SLC25A23: variants seen among roughly 807,000 people sequenced by gnomAD.
The protein encoded by SLC25A23 is mitochondrial adenyl nucleotide antiporter SLC25A23.
In SLC25A23, 32 loss-of-function variants were observed where a neutral mutation model predicts 53.9. That is an observed-to-expected ratio of 0.59 (90% CI 0.45 to 0.80). SLC25A23 has a LOEUF of 0.80. Ranked by LOEUF, SLC25A23 falls within the 30% of genes least tolerant of loss-of-function variation. SLC25A23 has a pLI of 0.00. For missense variants in SLC25A23, 575 were observed against 651.4 expected (o/e 0.88, Z 1.28); for synonymous variants, 275 against 264.5 (o/e 1.04, Z -0.38).
At position 6,456,940 on chromosome 19, in the gene SLC25A23, AGT is replaced by A. The variant is rs557860534; in HGVS notation, c.372-411_372-410del. Among the ~76,000 whole-genome samples, 16 of 152,206 alleles carry A rather than the reference AGT, an allele frequency of 1.1e-4. No individual in the cohort carries two copies. The South Asian group carries it at 3.3e-3, about 32-fold the overall frequency. ...TGATCCACCTGCCTCGGCCTTCCAA[AGT>A]GGCAGGATTGCAGGCGTGAGCCACC... On this transcript the variant is annotated intron_variant, in intron 3 of 9. Coordinates refer to ENST00000301454, the MANE Select transcript of SLC25A23 (RefSeq NM_024103.3).
At chr19:6,449,062 A>T (rs927982242) in intron 8 of SLC25A23, among the ~76,000 whole-genome samples, 2 of 151,936 alleles carry the variant, frequency 1.3e-5, no homozygotes, top group Non-Finnish European at 2.9e-5. Flanking sequence ...GACTAGATTA[A>T]TGTGGCCAGC....
Position 6,442,151 on chromosome 19 carries a change from C to A in SLC25A23, c.1231G>T (p.Glu411Ter). 1 of 1,396,854 alleles carries A rather than the reference C, an allele frequency of 7.2e-7. No individual in the cohort carries two copies. 86.5% of individuals were successfully genotyped at this position (1,396,854 alleles called of 1,614,324 possible). Residue 411 changes from glutamate (E) to a stop codon, truncating the protein, a stop_gained, in exon 10 of 10, where the codon GAG (glutamate) becomes TAG (stop). Transcript: ENST00000301454. LOFTEE classifies it high-confidence loss of function. ...RTRMQAQASIEGGPQLSMLGL... is the reference protein window; with the variant it reads ...RTRMQAQASI Reference sequence around the variant, plus strand: ...AGCATGGACAGCTGGGGGCCACCCTCGATGGAGGCTGGGAGGGGGCGGGGG... The same window carrying A: ...AGCATGGACAGCTGGGGGCCACCCTAGATGGAGGCTGGGAGGGGGCGGGGG...
At position 6,442,165 on chromosome 19, in the gene SLC25A23, AGGGGGCGGG is replaced by A; in HGVS notation, c.1223-15_1223-7del. The A allele has an allele frequency of 1.7e-5, 11 of 642,350 alleles. No individual in the cohort carries two copies. Among genetic ancestry groups the A allele is most frequent in the Non-Finnish European group, 2.2e-5 (9 of 417,288 alleles). The allele number at this position is 642,350 out of a possible 1,614,324, so 39.8% of individuals were successfully genotyped here. On this transcript the variant is annotated splice_region_variant and splice_polypyrimidine_tract_variant and intron_variant, in intron 9 of 9. Transcript: ENST00000301454. The stretch of plus-strand genomic sequence containing the variant: ...GGGGCCACCCTCGATGGAGGCTGGG[AGGGGGCGGG>A]GGGGGCACCAGGTAAGGCCAACGTT...
At chr19:6,458,515 C>G (rs529458864) in intron 1 of SLC25A23, among the ~76,000 whole-genome samples, 191 bp from the exon 2 acceptor site, 4 of 152,116 alleles carry the variant, frequency 2.6e-5, no homozygotes, top group African/African-American at 4.8e-5. Flanking sequence ...CAGGTCTGTG[C>G]GGTGGGTGTG....
chr19:6,457,533 G>A lies in SLC25A23; in HGVS notation c.341C>T (p.Ser114Leu), dbSNP rs1306494013. Residue 114 changes from serine to leucine, a missense_variant, in exon 3 of 10, where the codon TCG becomes TTG. By Grantham distance (145) the Ser-to-Leu change is moderately radical. Transcript: ENST00000301454. The part of the protein sequence containing the change: ...QSFRALGISI[S>L]LEQAEKILHS... ...CAAAATTTTCTCAGCCTGCTCCAGC[G>A]AGATGGAAATGCCCAGAGCTCGGAA... is the stretch of plus-strand genomic sequence containing the variant. 1 of 1,614,048 alleles carries A rather than the reference G, an allele frequency of 6.2e-7. No homozygotes were observed. The highest frequency in any genetic ancestry group is 8.5e-7 in the Non-Finnish European group (1 of 1,180,008).
At chr19:6,437,407 C>T (rs1258938657), downstream of SLC25A23, among the ~76,000 whole-genome samples, 4 of 152,152 alleles carry the variant, frequency 2.6e-5, no homozygotes, top group African/African-American at 9.7e-5. Flanking sequence ...CAGTAACCTG[C>T]AAATGTGACC....
downstream of SLC25A23, among the ~76,000 whole-genome samples, chr19:6,439,776 G>A (rs991440623): frequency 2.0e-5 from 3 of 152,148 alleles, no homozygotes. Flanking sequence ...GTTGCAGTGA[G>A]CTGAGACCGT....
Position 6,454,754 on chromosome 19 carries a change from G to A in SLC25A23, c.484-37C>T, listed in dbSNP as rs1238308399. On this transcript the variant is annotated intron_variant, in intron 4 of 9. Coordinates refer to ENST00000301454, the MANE Select transcript of SLC25A23 (RefSeq NM_024103.3). The surrounding 1 kb of genome is among the most constrained non-coding windows in gnomAD (Gnocchi z 4.3). ...GGTGTTGGGGGTGTCATGCCATGGTGGGGACAGGGAGATGTGACTCAGTCC... is the reference window on the plus strand; with the variant it reads ...GGTGTTGGGGGTGTCATGCCATGGTAGGGACAGGGAGATGTGACTCAGTCC... 5 of 1,608,988 alleles carry A rather than the reference G, an allele frequency of 3.1e-6. No homozygotes were observed. Among genetic ancestry groups the A allele is most frequent in the African/African-American group, 1.3e-5 (1 of 74,880 alleles).
intron 8 of SLC25A23, among the ~76,000 whole-genome samples, chr19:6,448,885 G>T (rs186565599): frequency 6.6e-6 from 1 of 151,730 alleles, no homozygotes; most frequent in Non-Finnish European, 1.5e-5. Flanking sequence ...TTAGCCTGGC[G>T]TGGTGGCGCA....
chr19:6,438,203 C>G (rs2092359041), downstream of SLC25A23: 1 of 152,148 alleles, frequency 6.6e-6, no homozygotes, highest in Non-Finnish European at 1.5e-5. Flanking sequence ...GTAATCCCAG[C>G]TATTCTGGAG....
In SLC25A23 at chr19:6,459,699, C is replaced by A. The variant is rs879843418; in HGVS notation, c.-71G>T. The A allele has an allele frequency of 1.2e-5, 14 of 1,192,538 alleles. No homozygotes were observed. Among genetic ancestry groups the A allele is most frequent in the Non-Finnish European group, 8.4e-6 (8 of 952,094 alleles). 73.9% of individuals were successfully genotyped at this position (1,192,538 alleles called of 1,614,324 possible). ...GTGGGGGCTTCGCGGCTCCCCCTCCCCCCCCGGGACCCCGCAGGGTCAGCT... is the reference window on the plus strand; with the variant it reads ...GTGGGGGCTTCGCGGCTCCCCCTCCACCCCCGGGACCCCGCAGGGTCAGCT... On this transcript the variant is annotated 5_prime_UTR_variant, in exon 1 of 10. Coordinates refer to ENST00000301454, the MANE Select transcript of SLC25A23 (RefSeq NM_024103.3). The surrounding 1 kb of genome is among the most constrained non-coding windows in gnomAD (Gnocchi z 4.6).
chr19:6,443,180 C>A (rs939338117), intron 9 of SLC25A23, among the ~76,000 whole-genome samples: 15 of 152,062 alleles, frequency 9.9e-5, no homozygotes, highest in African/African-American at 3.6e-4. Context: ...CTCAGGTGAT[C>A]CACCCACCTA....
chr19:6,449,255 C>CTTT, intron 8 of SLC25A23, among the ~76,000 whole-genome samples: 1 of 138,212 alleles, frequency 7.2e-6, no homozygotes. Flanking sequence ...TTCTTTCTTT[C>CTTT]TTTTTTTTTT....
rs1425561117 is a variant in SLC25A23, at chr19:6,456,413, A to G, written c.483+7T>C. The G allele has an allele frequency of 2.5e-6, 4 of 1,613,364 alleles. No individual in the cohort carries two copies. In the African/African-American group the frequency reaches 5.3e-5, roughly 22 times the overall value. ...CCTTCAGCTGGGGAAAGCCACCCCC[A>G]CCTCACCGTGGAATGCTTCCAGAAA... On this transcript the variant is annotated splice_region_variant and intron_variant, in intron 4 of 9. Coordinates refer to ENST00000301454, the MANE Select transcript of SLC25A23 (RefSeq NM_024103.3).
intron 7 of SLC25A23, among the ~76,000 whole-genome samples, chr19:6,453,385 G>A (rs949256768): frequency 2.0e-5 from 3 of 151,772 alleles, no homozygotes; most frequent in Non-Finnish European, 4.4e-5. Flanking sequence ...GATTACAGGT[G>A]CCCACCACCA....
At position 6,444,288 on chromosome 19, in the gene SLC25A23, C is replaced by T. The variant is rs144612841; in HGVS notation, c.1085G>A (p.Trp362Ter). 2.9e-4 allele frequency: 471 copies of T among 1,601,892 alleles called. 2 individuals carry two copies. Among genetic ancestry groups the T allele is most frequent in the Non-Finnish European group, 7.7e-6 (9 of 1,173,980 alleles). ...GTCGTGGCTGTACTGCTGAAGCCAC[C>T]AGTTCTTCAGAGTCTGGAGTGGAGA... ...DLAVYETLKNWWLQQYSHDSA... is the reference protein window; with the variant it reads ...DLAVYETLKN Residue 362 changes from tryptophan (W) to a stop codon, truncating the protein, a stop_gained, in exon 9 of 10, where the codon TGG becomes TAG. Coordinates refer to ENST00000301454, the MANE Select transcript of SLC25A23 (RefSeq NM_024103.3). LOFTEE classifies it high-confidence loss of function.
rs1425219585 is a variant in SLC25A23 at position 6,459,503 on chromosome 19, G to A, written c.126C>T (p.Gly42=). Residue 42 remains glycine, a synonymous_variant, in exon 1 of 10, where the codon GGC becomes GGT. Transcript: ENST00000301454. This position sits in a 1 kb window ranked among gnomAD's most constrained non-coding sequence, Gnocchi z 4.6. ...HELRQGLARL[G]GGNPDPGAQQ... ...GGGCGCCGGGGTCTGGGTTGCCCCC[G>A]CCCAGCCTGGCCAGCCCCTGGCGCA... is the stretch of plus-strand genomic sequence containing the variant. The A allele has an allele frequency of 1.9e-6, 3 of 1,594,258 alleles. No individual in the cohort carries two copies. The highest frequency in any genetic ancestry group is 2.3e-5 in the East Asian group (1 of 43,646).
intron 4 of SLC25A23, 162 bp downstream of exon 4, chr19:6,456,258 T>G: frequency 1.1e-6 from 1 of 941,282 alleles, no homozygotes; most frequent in Non-Finnish European, 1.6e-6. Context: ...GAACCCTAAG[T>G]GGAGGAAGAG....
intron 8 of SLC25A23, 47 bp from the exon 9 acceptor site, chr19:6,444,348 G>A: frequency 6.5e-7 from 1 of 1,545,156 alleles, no homozygotes; most frequent in Non-Finnish European, 8.8e-7. Flanking sequence ...GTGACCCTAG[G>A]ACCCTGGCTT....
Sources: allele counts gnomAD v4.1 joint callset (sites outside exome capture counted in the v4.1 genomes callset), GRCh38; gene constraint gnomAD v4.1.1; non-coding constraint Gnocchi (gnomAD v3.1); transcripts MANE v1.5; gene names NCBI Gene and HGNC (gene_info 2026-07-23, HGNC 2026-07-21).